The following ZNF728 variants were observed in gnomAD, a reference collection of about 807,000 sequenced individuals.
The protein encoded by ZNF728 is zinc finger protein 728.
Under a neutral mutation model 12.5 loss-of-function variants are expected in ZNF728, and 12 were observed. The observed-to-expected ratio is 0.96, with a 90% CI of 0.61 to 1.55. The LOEUF (loss-of-function observed/expected upper bound fraction) is 1.55. Among genes scored for constraint, ZNF728 ranks in the 40% most tolerant of loss-of-function variants. ZNF728 has a pLI of 0.00. For missense variants in ZNF728, 692 were observed against 719.2 expected (o/e 0.96, Z 0.43); for synonymous variants, 205 against 240.7 (o/e 0.85, Z 1.37).
chr19:22,998,481 C>G (rs1054195362), intron 1 of ZNF728, among the ~76,000 whole-genome samples: 34 of 152,082 alleles, frequency 2.2e-4, no homozygotes, highest in African/African-American at 8.0e-4. Flanking sequence ...CAGCACAGAC[C>G]CTGATTCAGG....
At chr19:22,999,633 G>C (rs1285707285) in intron 1 of ZNF728, among the ~76,000 whole-genome samples, 1 of 152,090 alleles carries the variant, frequency 6.6e-6, no homozygotes, top group Non-Finnish European at 1.5e-5. Flanking sequence ...GAAAAATCCA[G>C]CAAAATGATT....
At chr19:22,999,207 C>A (rs1969080829) in intron 1 of ZNF728, among the ~76,000 whole-genome samples, 3 of 152,132 alleles carry the variant, frequency 2.0e-5, no homozygotes, top group South Asian at 4.1e-4. Flanking sequence ...TCTTTGCAAT[C>A]CTTAAAGATC....
At chr19:23,001,391 CTT>C (rs1363488814) in intron 1 of ZNF728, among the ~76,000 whole-genome samples, 4 of 152,212 alleles carry the variant, frequency 2.6e-5, no homozygotes, top group Non-Finnish European at 5.9e-5. Context: ...CACCTGCTCT[CTT>C]GAGAAGCTAC....
rs145028553 is a variant in ZNF728, at chr19:22,978,600, A to G, written c.227-1490T>C. On this transcript the variant is annotated intron_variant, in intron 3 of 3. Coordinates refer to ENST00000594710, the MANE Select transcript of ZNF728 (RefSeq NM_001267716.2). ...CAGTAGAAGCTGACAGACACCTCAT[A>G]CAGGAGAGCTCTGGCTGGCATCTGG... Among the ~76,000 whole-genome samples, 3 of 152,296 alleles carry G rather than the reference A, an allele frequency of 2.0e-5. No homozygotes were observed. The East Asian group carries it at 5.8e-4, about 30-fold the overall frequency.
intron 1 of ZNF728, among the ~76,000 whole-genome samples, chr19:23,000,065 A>C (rs556633038): frequency 6.6e-6 from 1 of 152,276 alleles, no homozygotes; most frequent in African/African-American, 2.4e-5. Flanking sequence ...GAAATCATTC[A>C]GCCATAAAAA....
chr19:22,997,505 T>C (rs1159542631), intron 1 of ZNF728, among the ~76,000 whole-genome samples: 1 of 152,092 alleles, frequency 6.6e-6, no homozygotes, highest in Non-Finnish European at 1.5e-5. Flanking sequence ...GCAATACAGC[T>C]AAGGCAGTGT....
rs575384249 is a variant in ZNF728 at position 22,999,661 on chromosome 19, A to G, written c.3+3367T>C. ...AAATGATTCAAAAACATATAAGAAA[A>G]TTTTAAGGTGCTTACATTTTGTACC... On this transcript the variant is annotated intron_variant, in intron 1 of 3. Transcript: ENST00000594710. Among the ~76,000 whole-genome samples the G allele has an allele frequency of 7.2e-5, 11 of 152,246 alleles. No homozygotes were observed. The South Asian group carries it at 2.3e-3, about 32-fold the overall frequency.
chr19:23,002,997 T>C, intron 1 of ZNF728, 31 bp downstream of exon 1: 1 of 1,586,064 alleles, frequency 6.3e-7, no homozygotes, highest in South Asian at 1.1e-5. Context: ...CGGCTGCCAC[T>C]CTCTCGGGAT....
At position 22,988,488 on chromosome 19, in the gene ZNF728, G is replaced by A. The variant is rs570397821; in HGVS notation, c.4-37C>T. On this transcript the variant is annotated intron_variant, in intron 1 of 3. Coordinates refer to ENST00000594710, the MANE Select transcript of ZNF728 (RefSeq NM_001267716.2). ...ACACAAACACACATATTTACCAAGTGGTCATGGGCAGAATTTTTAATTTGA... is the reference window on the plus strand; with the variant it reads ...ACACAAACACACATATTTACCAAGTAGTCATGGGCAGAATTTTTAATTTGA... 3.3e-5 allele frequency: 53 copies of A among 1,603,934 alleles called. No individual in the cohort carries two copies. The African/African-American group carries it at 6.2e-4, about 19-fold the overall frequency.
intron 3 of ZNF728, among the ~76,000 whole-genome samples, chr19:22,985,274 G>A (rs1168660808): frequency 6.6e-6 from 1 of 152,110 alleles, no homozygotes; most frequent in African/African-American, 2.4e-5. Flanking sequence ...AGAAAAAGGT[G>A]CCCTATTTGC....
At position 22,975,885 on chromosome 19, in the gene ZNF728, T is replaced by A; in HGVS notation, c.1452A>T (p.Glu484Asp). The A allele has an allele frequency of 2.5e-6, 4 of 1,606,430 alleles. No homozygotes were observed. The highest frequency in any genetic ancestry group is 3.4e-6 in the Non-Finnish European group (4 of 1,174,332). The change falls in exon 4 of 4, where the codon GAA becomes GAT. Residue 484 changes from glutamate to aspartate, a missense_variant. Physicochemically the swap from Glu to Asp is conservative, Grantham distance 45. Around this residue, in one of 3 missense-constraint regions of ZNF728, gnomAD observed 244 missense variants for 235.2 expected, o/e 1.04. Coordinates refer to ENST00000594710, the MANE Select transcript of ZNF728 (RefSeq NM_001267716.2). Reference sequence around the variant, plus strand: ...AGGACCACTTAAAGGCTTTGCCACATTCTTCACATTTGTAGAGTTTCTCTC... The same window carrying A: ...AGGACCACTTAAAGGCTTTGCCACAATCTTCACATTTGTAGAGTTTCTCTC... ...HAGEKLYKCE[E>D]CGKAFKWSSN...
intron 3 of ZNF728, among the ~76,000 whole-genome samples, chr19:22,985,288 ACC>A (rs949931940): frequency 1.1e-4 from 16 of 152,318 alleles, no homozygotes; most frequent in Admixed American, 1.0e-3. Context: ...TATTTGCTTA[ACC>A]CCCAACAGCA....
At position 22,976,421 on chromosome 19, in the gene ZNF728, G is replaced by T; in HGVS notation, c.916C>A (p.His306Asn). 1 of 1,613,084 alleles carries T rather than the reference G, an allele frequency of 6.2e-7. No individual in the cohort carries two copies. Residue 306 changes from histidine (H) to asparagine (N), a missense_variant, in exon 4 of 4, where the codon CAT (histidine) becomes AAT (asparagine). Physicochemically the swap from His to Asn is moderately conservative, Grantham distance 68. Transcript: ENST00000594710. ...CATTTGTAGGGTTTCTCTCCAGCAT[G>T]AATTGTCTTATGTGCAGTAAGGGTT... ...ASTLTAHKTIHAGEKPYKCEE... is the reference protein window; with the variant it reads ...ASTLTAHKTINAGEKPYKCEE...
At chr19:22,987,949 A>G (rs558172813) in intron 2 of ZNF728, among the ~76,000 whole-genome samples, 1 of 152,308 alleles carries the variant, frequency 6.6e-6, no homozygotes, top group East Asian at 1.9e-4. Context: ...ATGTGGGCGA[A>G]TTCGCTTCTG....
chr19:22,976,446 TG>T lies in ZNF728; in HGVS notation c.890del (p.Ser297Ter). 1.9e-6 allele frequency: 3 copies of T among 1,612,994 alleles called. No homozygotes were observed. Among genetic ancestry groups the T allele is most frequent in the Non-Finnish European group, 2.5e-6 (3 of 1,179,878 alleles). On this transcript the variant is annotated frameshift_variant, in exon 4 of 4. Coordinates refer to ENST00000594710, the MANE Select transcript of ZNF728 (RefSeq NM_001267716.2). LOFTEE classifies it low-confidence loss of function (END_TRUNC). ...GAATTGTCTTATGTGCAGTAAGGGT[TG>T]AGGCCTTACTAAAGGCTTTGCCACA... is the stretch of plus-strand genomic sequence containing the variant. ...EECGKAFSKA[S>X]TLTAHKTIHA...
chr19:22,998,324 G>A (rs1422637271), intron 1 of ZNF728, among the ~76,000 whole-genome samples: 2 of 143,330 alleles, frequency 1.4e-5, no homozygotes, highest in African/African-American at 2.6e-5. Context: ...GTTTGAGACC[G>A]GCATGGACAA....
chr19:23,000,379 A>G (rs778441179), intron 1 of ZNF728, among the ~76,000 whole-genome samples: 3 of 151,136 alleles, frequency 2.0e-5, no homozygotes, highest in Non-Finnish European at 4.4e-5. Flanking sequence ...CTCTGCCTCA[A>G]AAAAACAAAA....
At chr19:22,980,033 C>G (rs189290381) in intron 3 of ZNF728, among the ~76,000 whole-genome samples, 2 of 152,118 alleles carry the variant, frequency 1.3e-5, no homozygotes, top group Non-Finnish European at 2.9e-5. Flanking sequence ...TGTAAATGGG[C>G]TAAATGCCCC....
Position 22,984,932 on chromosome 19 carries a change from G to A in ZNF728, c.226+2376C>T, listed in dbSNP as rs1229413981. On this transcript the variant is annotated intron_variant, in intron 3 of 3. Transcript: ENST00000594710. The stretch of plus-strand genomic sequence containing the variant: ...AATTAAAACAATCTGGTATAAGGAT[G>A]AAAAATTAGACTAATGAAATAGAAT... 2.6e-5 allele frequency among the ~76,000 whole-genome samples: 4 copies of A among 152,142 alleles called. No individual in the cohort carries two copies. In the East Asian group the frequency reaches 7.7e-4, roughly 29 times the overall value.
Sources: allele counts gnomAD v4.1 joint callset (sites outside exome capture counted in the v4.1 genomes callset), GRCh38; gene constraint gnomAD v4.1.1; regional missense constraint gnomAD v4.1.1; transcripts MANE v1.5; gene names NCBI Gene and HGNC (gene_info 2026-07-23, HGNC 2026-07-21).